CCDC62: variants seen among roughly 807,000 people sequenced by gnomAD.
The protein encoded by CCDC62 is coiled-coil domain-containing protein 62.
Under a neutral mutation model 80.8 loss-of-function variants are expected in CCDC62, and 72 were observed. That is an observed-to-expected ratio of 0.89 (90% confidence interval 0.74 to 1.08). The LOEUF is 1.08. Among genes scored for constraint, CCDC62 ranks in the 50% least tolerant of loss-of-function variants. CCDC62 has a pLI of 0.00. For synonymous variants in CCDC62, 286 were observed against 296.5 expected, an observed-to-expected ratio of 0.96 and a Z score of 0.36; for missense variants, 704 against 809.4, an observed-to-expected ratio of 0.87 and a Z score of 1.58.
intron 9 of CCDC62, 29 bp from the exon 10 acceptor site, chr12:122,806,122 T>G (rs750485648): frequency 8.8e-6 from 14 of 1,594,374 alleles, no homozygotes; most frequent in Non-Finnish European, 1.2e-5. Flanking sequence ...TTTAAGATAT[T>G]TGTTTTTGTT....
At chr12:122,786,932 C>G (rs1014041002) in intron 4 of CCDC62, among the ~76,000 whole-genome samples, 1 of 152,070 alleles carries the variant, frequency 6.6e-6, no homozygotes, top group Non-Finnish European at 1.5e-5. Context: ...TGCACTCCAG[C>G]CTGGGTGACA....
chr12:122,813,336 G>A lies in CCDC62; in HGVS notation c.1918G>A (p.Glu640Lys), dbSNP rs1473058028. The change falls in exon 11 of 13, where the codon GAA (glutamate) becomes AAA (lysine). Residue 640 changes from glutamate (E) to lysine (K), a missense_variant. Glu to Lys is a moderately conservative substitution (Grantham distance 56). Coordinates refer to ENST00000253079, the MANE Select transcript of CCDC62 (RefSeq NM_201435.5). The stretch of plus-strand genomic sequence containing the variant: ...GAGCAAGCTCCAGCGTTTGCTGGCG[G>A]AATCTCGTCAGATGGTGACGGACCT... ...PTSKLQRLLA[E>K]SRQMVTDLEL... 3.1e-6 allele frequency: 5 copies of A among 1,613,988 alleles called. 1 individual carries two copies. In the South Asian group the frequency reaches 5.5e-5, roughly 18 times the overall value.
intron 5 of CCDC62, among the ~76,000 whole-genome samples, chr12:122,791,161 A>G (rs1370867506): frequency 6.6e-6 from 1 of 151,948 alleles, no homozygotes; most frequent in Non-Finnish European, 1.5e-5. Flanking sequence ...TATTTTTGAG[A>G]CAGAATTTCA....
In CCDC62 at chr12:122,822,008, C is replaced by T. The variant is rs150371247; in HGVS notation, c.2002-1358C>T. Among the ~76,000 whole-genome samples the T allele has an allele frequency of 3.9e-3, 580 of 148,700 alleles. 2 individuals carry two copies. In the Middle Eastern group the frequency reaches 0.042, roughly 11 times the overall value. ...CTTTGGGAGGCTGAGGCAGGAGGAT[C>T]ACGTGAAGCCAGGAATGGGCAACAA... is the stretch of plus-strand genomic sequence containing the variant. On this transcript the variant is annotated intron_variant, in intron 11 of 12. Transcript: ENST00000253079.
At chr12:122,813,205 C>T in intron 10 of CCDC62, 65 bp from the exon 11 acceptor site, 1 of 1,472,578 alleles carries the variant, frequency 6.8e-7, no homozygotes, top group Non-Finnish European at 9.2e-7. Flanking sequence ...AAACAATATT[C>T]CTAGGTAGTT....
chr12:122,796,874 C>CTTTTTTTT lies in CCDC62; in HGVS notation c.773-431_773-430insTTTTTTTT, dbSNP rs751983214. ...TAATCCCTGAATCTACAAATCACTTCTTCTTTTTTTTTTTTTTTTTTTAAG... is the reference window on the plus strand; with the variant it reads ...TAATCCCTGAATCTACAAATCACTTCTTTTTTTTTTCTTTTTTTTTTTTTTTTTTTAAG... On this transcript the variant is annotated intron_variant, in intron 6 of 12. Transcript: ENST00000253079. Among the ~76,000 whole-genome samples, 3 of 145,542 alleles carry CTTTTTTTT rather than the reference C, an allele frequency of 2.1e-5. 1 individual carries two copies. Among genetic ancestry groups the CTTTTTTTT allele is most frequent in the Non-Finnish European group, 4.5e-5 (3 of 66,860 alleles).
rs915704755 is a variant in CCDC62, at chr12:122,827,376, GT to G, written c.*997del. ...TATTGTGCTGAATAAATGCCCCTTTGTTAACAGGTCTCAGTGTTACTTCAGA... is the reference window on the plus strand; with the variant it reads ...TATTGTGCTGAATAAATGCCCCTTTGTAACAGGTCTCAGTGTTACTTCAGA... On this transcript the variant is annotated 3_prime_UTR_variant, in exon 13 of 13. Coordinates refer to ENST00000253079, the MANE Select transcript of CCDC62 (RefSeq NM_201435.5). The G allele has an allele frequency of 2.0e-5, 3 of 152,108 alleles. No individual in the cohort carries two copies. Among genetic ancestry groups the G allele is most frequent in the Non-Finnish European group, 4.4e-5 (3 of 68,024 alleles). The allele number at this position is 152,108 out of a possible 1,614,324, so 9.4% of individuals were successfully genotyped here. A position where few individuals can be genotyped will look rare whatever the true frequency, so the allele number is the denominator to read the frequency against.
At chr12:122,814,504 AT>A (rs71440218) in intron 11 of CCDC62, among the ~76,000 whole-genome samples, 43,942 of 124,996 alleles carry the variant, frequency 0.35, 5,839 homozygotes, top group Middle Eastern at 0.47. Flanking sequence ...TGGACTTTTA[AT>A]TTTTTTTTTT....
Position 122,802,483 on chromosome 12 carries a change from G to A in CCDC62, c.1706+631G>A, listed in dbSNP as rs192419367. On this transcript the variant is annotated intron_variant, in intron 9 of 12. Transcript: ENST00000253079. The stretch of plus-strand genomic sequence containing the variant: ...GGCTGGAGTGCAGTGGCGCAGTCTT[G>A]GCTCACTGAAACCTCCGCCTCCTGG... 5.3e-3 allele frequency among the ~76,000 whole-genome samples: 773 copies of A among 147,096 alleles called. 5 individuals are homozygous for A. Among genetic ancestry groups the A allele is most frequent in the Non-Finnish European group, 8.8e-3 (595 of 67,410 alleles).
intron 5 of CCDC62, 41 bp downstream of exon 5, chr12:122,788,970 T>G: frequency 6.8e-7 from 1 of 1,466,406 alleles, no homozygotes; most frequent in Non-Finnish European, 9.2e-7. Context: ...ATGTATTATC[T>G]TGGGAATATA....
intron 3 of CCDC62, among the ~76,000 whole-genome samples, chr12:122,783,466 T>C (rs941890423): frequency 6.6e-6 from 1 of 152,094 alleles, no homozygotes; most frequent in Admixed American, 6.6e-5. Flanking sequence ...GACCTCGTGA[T>C]CTGCCCGCCT....
chr12:122,823,352 G>A lies in CCDC62; in HGVS notation c.2002-14G>A, dbSNP rs757091283. On this transcript the variant is annotated splice_polypyrimidine_tract_variant and intron_variant, in intron 11 of 12. Coordinates refer to ENST00000253079, the MANE Select transcript of CCDC62 (RefSeq NM_201435.5). ...TTCTCTATCCTGAATACTAATCTGG[G>A]AGTTGTTTTCTAGAAGTCAGAGGTC... 1 of 1,601,882 alleles carries A rather than the reference G, an allele frequency of 6.2e-7. No homozygotes were observed.
chr12:122,785,968 A>C (rs891589500), intron 4 of CCDC62, 148 bp downstream of exon 4: 2 of 615,306 alleles, frequency 3.3e-6, no homozygotes, highest in Non-Finnish European at 5.8e-6. Context: ...GAAATGAGGG[A>C]AACAAGTTTA....
chr12:122,802,692 G>T (rs1257014971), intron 9 of CCDC62, among the ~76,000 whole-genome samples: 1 of 150,808 alleles, frequency 6.6e-6, no homozygotes. Flanking sequence ...GTGATTACAG[G>T]CATGAGCCAC....
Position 122,798,212 on chromosome 12 carries a change from A to G in CCDC62, c.977+12A>G, listed in dbSNP as rs376579897. On this transcript the variant is annotated intron_variant, in intron 8 of 12. Coordinates refer to ENST00000253079, the MANE Select transcript of CCDC62 (RefSeq NM_201435.5). ...GCTCTGGACTCCAGGTAATCTTAGC[A>G]AGATGCAATTAATATGATCTTGTAT... is the stretch of plus-strand genomic sequence containing the variant. 2.5e-6 allele frequency: 3 copies of G among 1,198,570 alleles called. No individual in the cohort carries two copies. The highest frequency in any genetic ancestry group is 3.7e-6 in the Non-Finnish European group (3 of 802,900). 74.2% of individuals were successfully genotyped at this position (1,198,570 alleles called of 1,614,324 possible). A position where few individuals can be genotyped will look rare whatever the true frequency, so the allele number is the denominator to read the frequency against.
chr12:122,790,592 G>A (rs951798163), intron 5 of CCDC62, among the ~76,000 whole-genome samples: 32 of 152,132 alleles, frequency 2.1e-4, no homozygotes, highest in African/African-American at 7.2e-4. Flanking sequence ...AGGAGGTGGA[G>A]GTTGCAGTGA....
At chr12:122,820,466 G>A (rs996852222) in intron 11 of CCDC62, among the ~76,000 whole-genome samples, 4 of 152,124 alleles carry the variant, frequency 2.6e-5, no homozygotes, top group Non-Finnish European at 4.4e-5. Context: ...GTTACCTGTC[G>A]GGGCTCTTGG....
intron 6 of CCDC62, among the ~76,000 whole-genome samples, chr12:122,795,685 A>C (rs557022647): frequency 1.3e-5 from 2 of 152,248 alleles, no homozygotes; most frequent in East Asian, 3.9e-4. Context: ...TGGCCTCCCA[A>C]AGTGCTGGGA....
At chr12:122,815,047 G>C (rs911542492) in intron 11 of CCDC62, among the ~76,000 whole-genome samples, 6 of 152,012 alleles carry the variant, frequency 3.9e-5, no homozygotes, top group Non-Finnish European at 7.4e-5. Flanking sequence ...TCCTGCCTCA[G>C]CCTCCCAAAG....
Sources: allele counts gnomAD v4.1 joint callset (sites outside exome capture counted in the v4.1 genomes callset), GRCh38; gene constraint gnomAD v4.1.1; transcripts MANE v1.5; gene names NCBI Gene and HGNC (gene_info 2026-07-23, HGNC 2026-07-21).